PTPRD: variants seen among roughly 807,000 people sequenced by gnomAD.
PTPRD encodes protein tyrosine phosphatase receptor type D, also known as receptor-type tyrosine-protein phosphatase delta.
Under a neutral mutation model 214.5 loss-of-function variants are expected in PTPRD, and 34 were observed. The ratio of observed to expected loss-of-function variants is 0.16; its 90% CI spans 0.12 to 0.21. PTPRD has a LOEUF of 0.21. PTPRD is among the 10% of genes least tolerant of loss of function. The pLI, the probability that PTPRD is intolerant of heterozygous loss-of-function variation, is 1.00. For missense variants in PTPRD, 2,545 were observed against 2,398.7 expected (o/e 1.06, Z -1.27); for synonymous variants, 1,128 against 845.7 (o/e 1.33, Z -5.79).
chr9:9,507,448 G>C (rs954122854), intron 8 of PTPRD, among the ~76,000 whole-genome samples: 3 of 150,852 alleles, frequency 2.0e-5, no homozygotes, highest in Non-Finnish European at 4.5e-5. Context: ...GGTTTTCTTA[G>C]AGAAAAATAA....
intron 3 of PTPRD, among the ~76,000 whole-genome samples, chr9:10,313,429 A>T (rs2096328309): frequency 9.5e-6 from 1 of 105,130 alleles, no homozygotes; most frequent in African/African-American, 5.1e-5. Context: ...AATTTTTAAA[A>T]AGTCCCTAAT....
At chr9:10,354,622 C>G (rs10118113) in intron 2 of PTPRD, among the ~76,000 whole-genome samples, 70,508 of 152,022 alleles carry the variant, frequency 0.46, 19,374 homozygotes, top group African/African-American at 0.78. Context: ...ATTTTATCTT[C>G]TATTCAGTTT....
intron 10 of PTPRD, among the ~76,000 whole-genome samples, chr9:9,163,768 T>C (rs987695569): frequency 3.9e-5 from 6 of 152,202 alleles, no homozygotes; most frequent in African/African-American, 1.4e-4. Flanking sequence ...CCTCATAACT[T>C]GACAGCATCC....
intron 27 of PTPRD, among the ~76,000 whole-genome samples, chr9:8,488,823 G>C (rs1468802111): frequency 1.3e-5 from 2 of 152,052 alleles, no homozygotes; most frequent in Admixed American, 1.3e-4. Flanking sequence ...GTGAAATAGA[G>C]CTTTCAACAG....
intron 9 of PTPRD, among the ~76,000 whole-genome samples, chr9:9,373,762 G>C (rs961564681): frequency 8.5e-5 from 13 of 152,058 alleles, no homozygotes; most frequent in Admixed American, 7.9e-4. Flanking sequence ...GCAAAGATTT[G>C]ACTATGCAGG....
intron 3 of PTPRD, among the ~76,000 whole-genome samples, chr9:10,198,283 C>T (rs1193746164): frequency 3.3e-5 from 5 of 152,038 alleles, no homozygotes; most frequent in African/African-American, 1.2e-4. Context: ...AGAATAGGTA[C>T]AGTATGATAA....
chr9:10,349,169 A>G (rs775242593), intron 2 of PTPRD, among the ~76,000 whole-genome samples: 20 of 146,908 alleles, frequency 1.4e-4, no homozygotes, highest in Admixed American at 2.9e-4. Flanking sequence ...ATAACTGTGT[A>G]TTTCTCAACA....
At chr9:9,732,380 T>A (rs2098213045) in intron 7 of PTPRD, among the ~76,000 whole-genome samples, 3 of 152,128 alleles carry the variant, frequency 2.0e-5, no homozygotes, top group East Asian at 3.9e-4. Context: ...ATAAGTGTTT[T>A]AGAATCCATC....
In PTPRD at chr9:9,407,460, C is replaced by G. The variant is rs2073905915; in HGVS notation, c.-236-9978G>C. Among the ~76,000 whole-genome samples the G allele has an allele frequency of 2.6e-5, 4 of 151,814 alleles. No homozygotes were observed. In the South Asian group the frequency reaches 8.3e-4, roughly 31 times the overall value. ...TTGAAAATATAAACAGATAGGGTAT[C>G]TACATTGAGTATACCAGATTTATCA... On this transcript the variant is annotated intron_variant, in intron 8 of 45. Coordinates refer to ENST00000381196, the MANE Select transcript of PTPRD (RefSeq NM_002839.4).
At chr9:9,390,749 C>T (rs1334640999) in intron 9 of PTPRD, among the ~76,000 whole-genome samples, 1 of 152,096 alleles carries the variant, frequency 6.6e-6, no homozygotes, top group Non-Finnish European at 1.5e-5. Context: ...TTATCAAGTT[C>T]TGAATTTCCT....
At chr9:9,282,286 G>A (rs1015282436) in intron 9 of PTPRD, among the ~76,000 whole-genome samples, 2 of 151,184 alleles carry the variant, frequency 1.3e-5, no homozygotes, top group African/African-American at 4.8e-5. Flanking sequence ...CATTCTGTTG[G>A]GGGATGTTGA....
rs1319857823 is a variant in PTPRD at position 9,300,896 on chromosome 9, A to G, written c.-203+96553T>C. 2.0e-5 allele frequency among the ~76,000 whole-genome samples: 3 copies of G among 151,830 alleles called. No individual in the cohort carries two copies. The Admixed American group carries it at 2.0e-4, about 10-fold the overall frequency. On this transcript the variant is annotated intron_variant, in intron 9 of 45. Transcript: ENST00000381196. The stretch of plus-strand genomic sequence containing the variant: ...GCTTTAATCTTTTACGCATATTGTT[A>G]TTTATATCACTTAATTATAATGTGC...
At chr9:9,190,406 T>C (rs986031392) in intron 9 of PTPRD, among the ~76,000 whole-genome samples, 2 of 151,980 alleles carry the variant, frequency 1.3e-5, no homozygotes, top group Non-Finnish European at 1.5e-5. Context: ...CGAGATCCAG[T>C]GGGTTTATCA....
At chr9:10,228,015 C>G in intron 3 of PTPRD, among the ~76,000 whole-genome samples, 1 of 151,870 alleles carries the variant, frequency 6.6e-6, no homozygotes, top group Non-Finnish European at 1.5e-5. Flanking sequence ...AGTAAAAATT[C>G]TGGCTGTAAT....
intron 11 of PTPRD, among the ~76,000 whole-genome samples, chr9:9,007,420 G>C (rs1291874673): frequency 1.3e-5 from 2 of 151,664 alleles, no homozygotes; most frequent in Non-Finnish European, 2.9e-5. Flanking sequence ...GAAAAAATGT[G>C]TTTTTGTACA....
chr9:9,576,869 C>T (rs1181529344), intron 7 of PTPRD, among the ~76,000 whole-genome samples: 1 of 151,988 alleles, frequency 6.6e-6, no homozygotes, highest in Non-Finnish European at 1.5e-5. Flanking sequence ...TTTGCAATAT[C>T]AAATTGACAC....
chr9:8,319,994 T>C, intron 44 of PTPRD, 28 bp from the exon 45 acceptor site: 1 of 1,607,662 alleles, frequency 6.2e-7, no homozygotes, highest in South Asian at 1.1e-5. Context: ...GCGATGTTAC[T>C]GGGTGAGATG....
intron 7 of PTPRD, among the ~76,000 whole-genome samples, chr9:9,644,269 C>T (rs1392434617): frequency 6.6e-6 from 1 of 152,048 alleles, no homozygotes; most frequent in Non-Finnish European, 1.5e-5. Flanking sequence ...GTGGTGAGGG[C>T]AGGCTGGAAC....
chr9:9,931,200 A>C (rs2086372325), intron 5 of PTPRD, among the ~76,000 whole-genome samples: 1 of 152,186 alleles, frequency 6.6e-6, no homozygotes, highest in Non-Finnish European at 1.5e-5. Context: ...TAAAAAAAAG[A>C]ATTAAAAATT....
Sources: allele counts gnomAD v4.1 joint callset (sites outside exome capture counted in the v4.1 genomes callset), GRCh38; gene constraint gnomAD v4.1.1; transcripts MANE v1.5; gene names NCBI Gene and HGNC (gene_info 2026-07-23, HGNC 2026-07-21).